HDAC9: variants seen among roughly 807,000 people sequenced by gnomAD.
HDAC9 encodes the protein MEF-2 interacting transcription repressor (MITR) protein.
In HDAC9, 41 loss-of-function variants were observed where a neutral mutation model predicts 139.4. That is an observed-to-expected ratio of 0.29 (90% CI 0.23 to 0.38). HDAC9 has a LOEUF of 0.38. Ranked by LOEUF, HDAC9 falls within the 10% of genes least tolerant of loss-of-function variation. HDAC9 has a pLI of 1.00. For synonymous variants in HDAC9, 517 were observed against 476.2 expected (o/e 1.09, Z -1.12); for missense variants, 1,147 against 1,297.0 (o/e 0.88, Z 1.78).
chr7:18,627,227 C>T (rs1841956542), intron 6 of HDAC9, among the ~76,000 whole-genome samples: 1 of 152,160 alleles, frequency 6.6e-6, no homozygotes, highest in South Asian at 2.1e-4. Context: ...CTTTTCTAGT[C>T]CACCCACTGC....
intron 15 of HDAC9, among the ~76,000 whole-genome samples, chr7:18,762,944 G>T (rs1010728203): frequency 6.6e-6 from 1 of 152,054 alleles, no homozygotes; most frequent in African/African-American, 2.4e-5. Flanking sequence ...ACAGGTTTCT[G>T]GAAGAAAAAT....
intron 16 of HDAC9, among the ~76,000 whole-genome samples, chr7:18,780,127 C>T (rs1310907063): frequency 2.0e-5 from 3 of 151,966 alleles, no homozygotes; most frequent in African/African-American, 7.2e-5. Flanking sequence ...GCTACTCATC[C>T]GTGGACCACA....
chr7:18,725,958 A>G (rs1312722134), intron 12 of HDAC9, among the ~76,000 whole-genome samples: 1 of 152,232 alleles, frequency 6.6e-6, no homozygotes, highest in African/African-American at 2.4e-5. Flanking sequence ...TATGTGAAAT[A>G]TACCTTCCAA....
At chr7:18,223,082 G>A (rs1449623730) in intron 2 of HDAC9, among the ~76,000 whole-genome samples, 1 of 152,064 alleles carries the variant, frequency 6.6e-6, no homozygotes, top group South Asian at 2.1e-4. Flanking sequence ...GTATTTCTTT[G>A]ATTATTAGTG....
intron 17 of HDAC9, among the ~76,000 whole-genome samples, chr7:18,797,945 A>G (rs956509878): frequency 1.3e-5 from 2 of 152,018 alleles, no homozygotes; most frequent in East Asian, 3.9e-4. Flanking sequence ...TAAAAGGTAT[A>G]TTATGAGGAT....
chr7:18,700,090 A>C (rs1375068216), intron 12 of HDAC9, among the ~76,000 whole-genome samples: 1 of 152,110 alleles, frequency 6.6e-6, no homozygotes, highest in East Asian at 1.9e-4. Context: ...TAACAGGCAC[A>C]CTTGTCCTGG....
intron 1 of HDAC9, among the ~76,000 whole-genome samples, chr7:18,089,341 A>G (rs961189100): frequency 6.6e-6 from 1 of 152,224 alleles, no homozygotes; most frequent in Non-Finnish European, 1.5e-5. Context: ...TGTCTTTTGT[A>G]GAAATAATGA....
chr7:18,874,051 A>G (rs1341953686), intron 21 of HDAC9, among the ~76,000 whole-genome samples: 1 of 151,546 alleles, frequency 6.6e-6, no homozygotes, highest in Admixed American at 6.6e-5. Flanking sequence ...AAAGAAATTT[A>G]TAGTTCAAAT....
intron 11 of HDAC9, among the ~76,000 whole-genome samples, chr7:18,660,216 T>A (rs906508418): frequency 1.3e-5 from 2 of 152,176 alleles, no homozygotes; most frequent in Non-Finnish European, 2.9e-5. Context: ...TGTGACAAAT[T>A]TGACTGTTTA....
chr7:18,878,198 A>T (rs953800073), intron 22 of HDAC9, among the ~76,000 whole-genome samples: 24 of 152,040 alleles, frequency 1.6e-4, no homozygotes, highest in African/African-American at 5.3e-4. Context: ...TTTTTTTTTA[A>T]AAAAAAGCTT....
chr7:18,629,895 T>C (rs2128975548), intron 7 of HDAC9, among the ~76,000 whole-genome samples: 1 of 152,242 alleles, frequency 6.6e-6, no homozygotes, highest in Non-Finnish European at 1.5e-5. Context: ...AAAATTAAAC[T>C]ACATGGAACA....
intron 1 of HDAC9, among the ~76,000 whole-genome samples, chr7:18,312,007 A>G (rs1258510625): frequency 1.3e-5 from 2 of 152,172 alleles, no homozygotes; most frequent in Non-Finnish European, 2.9e-5. Context: ...TAGGTGGAAA[A>G]GATGTGTACC....
At position 18,829,529 on chromosome 7, in the gene HDAC9, A is replaced by G; in HGVS notation, c.2447A>G (p.Lys816Arg). Residue 816 changes from lysine to arginine, a missense_variant, in exon 19 of 26, where the codon AAG becomes AGG. Transcript: ENST00000686413. ...TTGAGAGACCAACTAAATATAAGCA[A>G]GATATTGATTGTAGATCTGGTATGT... ...KYLRDQLNISKILIVDLDVHH... is the reference protein window; with the variant it reads ...KYLRDQLNISRILIVDLDVHH... 3 of 1,605,532 alleles carry G rather than the reference A, an allele frequency of 1.9e-6. No individual in the cohort carries two copies. Among genetic ancestry groups the G allele is most frequent in the Non-Finnish European group, 2.6e-6 (3 of 1,172,930 alleles).
At chr7:18,764,939 A>C (rs1203209243) in intron 15 of HDAC9, among the ~76,000 whole-genome samples, 1 of 152,198 alleles carries the variant, frequency 6.6e-6, no homozygotes, top group African/African-American at 2.4e-5. Flanking sequence ...ATTGGATTTG[A>C]AAATGAACAT....
chr7:18,124,132 C>G (rs1472566647), intron 1 of HDAC9, among the ~76,000 whole-genome samples: 1 of 152,156 alleles, frequency 6.6e-6, no homozygotes, highest in African/African-American at 2.4e-5. Context: ...AGTCTAAGTT[C>G]TAGTTGAAGT....
At chr7:18,885,869 G>A (rs1432579502) in intron 22 of HDAC9, among the ~76,000 whole-genome samples, 2 of 152,030 alleles carry the variant, frequency 1.3e-5, no homozygotes, top group Admixed American at 6.6e-5. Context: ...TCACAAGAAC[G>A]AATCAAGGAC....
At chr7:18,541,771 A>T (rs1264148015) in intron 2 of HDAC9, among the ~76,000 whole-genome samples, 2 of 152,200 alleles carry the variant, frequency 1.3e-5, no homozygotes, top group African/African-American at 4.8e-5. Context: ...CTTAATAATA[A>T]ATTTGATGGC....
intron 6 of HDAC9, among the ~76,000 whole-genome samples, chr7:18,617,839 G>A (rs1426454086): frequency 1.3e-5 from 2 of 152,074 alleles, no homozygotes; most frequent in African/African-American, 4.8e-5. Flanking sequence ...ATTTATTTGG[G>A]TATTTAAAAT....
intron 1 of HDAC9, among the ~76,000 whole-genome samples, chr7:18,143,248 G>C (rs1448714313): frequency 6.6e-6 from 1 of 152,102 alleles, no homozygotes; most frequent in Admixed American, 6.5e-5. Flanking sequence ...TTCAGAACCT[G>C]GAAGAACATT....
Sources: gnomAD v4.1 joint callset for allele counts (sites outside exome capture counted in the v4.1 genomes callset) on GRCh38, gnomAD v4.1.1 for gene constraint, MANE v1.5 for transcripts, NCBI Gene and HGNC (gene_info 2026-07-23, HGNC 2026-07-21) for gene names.